Variants in REDIC1 observed in about 807,000 individuals in gnomAD.
REDIC1 encodes the protein HEI10 Interacting Protein 1.
the REDIC1 span, among the ~76,000 whole-genome samples, chr12:39,644,752 G>A: frequency 8.6e-5 from 13 of 151,818 alleles, 1 homozygote; most frequent in South Asian, 1.7e-3. Flanking sequence ...ATTCCCAGTC[G>A]TAGGGGAATA....
the REDIC1 span, among the ~76,000 whole-genome samples, chr12:39,728,236 T>C: frequency 1.3e-5 from 2 of 152,240 alleles, no homozygotes; most frequent in African/African-American, 4.8e-5. Flanking sequence ...TTAAAGGGAA[T>C]GCTTCCAGCT....
the REDIC1 span, among the ~76,000 whole-genome samples, chr12:39,676,969 C>T: frequency 6.7e-6 from 1 of 149,104 alleles, no homozygotes; most frequent in Admixed American, 6.7e-5. Flanking sequence ...TGAAATACAC[C>T]AAAATAGAAC....
At chr12:39,734,200 G>A in the REDIC1 span, among the ~76,000 whole-genome samples, 37 of 152,218 alleles carry the variant, frequency 2.4e-4, no homozygotes, top group African/African-American at 3.9e-4. Context: ...GTGAGGCGAC[G>A]CCCCACCCTG....
At chr12:39,855,387 T>C in the REDIC1 span, among the ~76,000 whole-genome samples, 2 of 152,322 alleles carry the variant, frequency 1.3e-5, no homozygotes, top group East Asian at 3.9e-4. Context: ...AAGAACACTA[T>C]AAAAGGATCC....
chr12:39,835,548 C>A, the REDIC1 span: 1 of 152,180 alleles, frequency 6.6e-6, no homozygotes, highest in South Asian at 2.1e-4. Flanking sequence ...CTTATTGATA[C>A]ACAGTTTAAA....
chr12:39,764,653 TA>T, the REDIC1 span: 1 of 1,582,466 alleles, frequency 6.3e-7, no homozygotes, highest in Non-Finnish European at 8.6e-7. Context: ...AAATAGCATG[TA>T]AGAAATTTGA....
chr12:39,637,953 T>C, the REDIC1 span, among the ~76,000 whole-genome samples: 1,865 of 152,168 alleles, frequency 0.012, 29 homozygotes, highest in African/African-American at 0.042. Flanking sequence ...TTTCATTTTA[T>C]TGTAGCAGTG....
chr12:39,669,968 G>A, the REDIC1 span, among the ~76,000 whole-genome samples: 1 of 152,154 alleles, frequency 6.6e-6, no homozygotes, highest in Non-Finnish European at 1.5e-5. Flanking sequence ...CTTTGACTAG[G>A]AGAGGGAATT....
At chr12:39,764,473 A>G in the REDIC1 span, 1 of 1,588,818 alleles carries the variant, frequency 6.3e-7, no homozygotes, top group Non-Finnish European at 8.5e-7. Context: ...AGTATGTAAG[A>G]TACTCTGCTG....
the REDIC1 span, among the ~76,000 whole-genome samples, chr12:39,707,009 A>G: frequency 6.6e-6 from 1 of 151,984 alleles, no homozygotes. Context: ...ACAGGATCAC[A>G]TCAGACAAAC....
chr12:39,708,250 G>A, the REDIC1 span, among the ~76,000 whole-genome samples: 1 of 151,706 alleles, frequency 6.6e-6, no homozygotes, highest in East Asian at 1.9e-4. Flanking sequence ...TTGTATCCTT[G>A]TATCAAAACA....
chr12:39,688,645 C>T, the REDIC1 span, among the ~76,000 whole-genome samples: 5 of 151,892 alleles, frequency 3.3e-5, no homozygotes, highest in East Asian at 3.9e-4. Context: ...ATGATGACAT[C>T]GTAATAAAAA....
the REDIC1 span, chr12:39,684,986 TTACTG>T: frequency 3.4e-6 from 4 of 1,187,710 alleles, no homozygotes; most frequent in Non-Finnish European, 4.9e-6. Context: ...CCATATCACA[TTACTG>T]TATTTAACGT....
At chr12:39,650,444 G>C in the REDIC1 span, 13 of 1,466,860 alleles carry the variant, frequency 8.9e-6, no homozygotes, top group Non-Finnish European at 1.2e-5. The surrounding 1 kb of genome is among the most constrained non-coding windows in gnomAD (Gnocchi z 4.3). Context: ...AATATTTTTA[G>C]TTAAAAATAT....
At chr12:39,835,204 G>A in the REDIC1 span, among the ~76,000 whole-genome samples, 2 of 151,986 alleles carry the variant, frequency 1.3e-5, no homozygotes, top group African/African-American at 4.8e-5. Context: ...CCTGGACTAA[G>A]GTCTAAATTC....
the REDIC1 span, among the ~76,000 whole-genome samples, chr12:39,697,636 T>A: frequency 1.6e-4 from 24 of 152,206 alleles, no homozygotes; most frequent in Non-Finnish European, 2.9e-4. Context: ...GGTAGAGTTT[T>A]TATTAGTTTT....
the REDIC1 span, among the ~76,000 whole-genome samples, chr12:39,631,926 TTGA>T: frequency 6.6e-6 from 1 of 152,052 alleles, no homozygotes; most frequent in Non-Finnish European, 1.5e-5. Flanking sequence ...GTTTAAGTAA[TTGA>T]TGATAGCACA....
At chr12:39,741,068 G>A in the REDIC1 span, among the ~76,000 whole-genome samples, 1 of 152,148 alleles carries the variant, frequency 6.6e-6, no homozygotes, top group African/African-American at 2.4e-5. Context: ...CTGGGTGCAA[G>A]CGATTCTCTT....
the REDIC1 span, among the ~76,000 whole-genome samples, chr12:39,897,276 C>A: frequency 3.9e-4 from 60 of 152,226 alleles, no homozygotes; most frequent in Non-Finnish European, 7.8e-4. Flanking sequence ...TTTAAAAGAA[C>A]GTGGTTATGC....
Sources: allele counts gnomAD v4.1 joint callset (sites outside exome capture counted in the v4.1 genomes callset), GRCh38; gene constraint gnomAD v4.1.1; non-coding constraint Gnocchi (gnomAD v3.1); transcripts MANE v1.5; gene names NCBI Gene and HGNC (gene_info 2026-07-23, HGNC 2026-07-21).